Variants in CTXND1 observed in about 807,000 individuals in gnomAD.
CTXND1 encodes cortexin domain containing 1.
chr15:80,220,971 C>G (rs1430824544), intron 1 of CTXND1, among the ~76,000 whole-genome samples: 2 of 150,258 alleles, frequency 1.3e-5, no homozygotes, highest in Non-Finnish European at 3.0e-5. Context: ...TGCAGTGGCG[C>G]GATCTCTGCT....
rs544162887 is a variant in CTXND1 at position 80,212,232 on chromosome 15, G to A, written c.-217-8492C>T. ...TTCTAGCCCTGCTTCCTCCAGTCCCGTGTCAGTTTCTCCTAGGAGCCCTTC... is the reference window on the plus strand; with the variant it reads ...TTCTAGCCCTGCTTCCTCCAGTCCCATGTCAGTTTCTCCTAGGAGCCCTTC... On this transcript the variant is annotated intron_variant, in intron 1 of 2. Transcript: ENST00000560778. 3.3e-5 allele frequency among the ~76,000 whole-genome samples: 5 copies of A among 152,260 alleles called. No homozygotes were observed. In the South Asian group the frequency reaches 6.2e-4, roughly 19 times the overall value.
intron 1 of CTXND1, among the ~76,000 whole-genome samples, chr15:80,238,086 C>T (rs372706960): frequency 2.3e-4 from 34 of 147,526 alleles, no homozygotes; most frequent in African/African-American, 6.0e-4. Flanking sequence ...TAATTTATTA[C>T]GGAAGAAACA....
At chr15:80,222,610 C>T (rs1271263052) in intron 1 of CTXND1, among the ~76,000 whole-genome samples, 1 of 152,146 alleles carries the variant, frequency 6.6e-6, no homozygotes, top group African/African-American at 2.4e-5. Flanking sequence ...TTGTTATTAA[C>T]AGTTCCTCCT....
chr15:80,204,237 T>C (rs1893123348), intron 1 of CTXND1, among the ~76,000 whole-genome samples: 1 of 141,064 alleles, frequency 7.1e-6, no homozygotes, highest in Non-Finnish European at 1.5e-5. Flanking sequence ...CACATATATA[T>C]TTATAAACTT....
chr15:80,240,281 G>C (rs1052637761), intron 1 of CTXND1, among the ~76,000 whole-genome samples: 3 of 143,474 alleles, frequency 2.1e-5, no homozygotes, highest in Non-Finnish European at 4.4e-5. Flanking sequence ...ACTTTATTAA[G>C]GGGGGTCCCA....
chr15:80,198,323 T>G lies in CTXND1; in HGVS notation c.*3447A>C, dbSNP rs1373411470. ...ATTGCCTGGAAAACCCACCACCCAT[T>G]CTCTGCTTTGGAGAGTTCCTCTCCA... On this transcript the variant is annotated 3_prime_UTR_variant, in exon 3 of 3. Transcript: ENST00000560778. 1 of 152,260 alleles carries G rather than the reference T, an allele frequency of 6.6e-6. No individual in the cohort carries two copies. The highest frequency in any genetic ancestry group is 1.5e-5 in the Non-Finnish European group (1 of 68,102). 9.4% of individuals were successfully genotyped at this position (152,260 alleles called of 1,614,324 possible). A position where few individuals can be genotyped will look rare whatever the true frequency, so the allele number is the denominator to read the frequency against.
intron 1 of CTXND1, among the ~76,000 whole-genome samples, chr15:80,205,219 G>A (rs79271974): frequency 0.058 from 8,872 of 152,004 alleles, 855 homozygotes; most frequent in African/African-American, 0.2. Context: ...TTTGTTGTAC[G>A]GATATCCCAT....
At chr15:80,206,567 T>C (rs551567285) in intron 1 of CTXND1, among the ~76,000 whole-genome samples, 1 of 152,328 alleles carries the variant, frequency 6.6e-6, no homozygotes, top group African/African-American at 2.4e-5. Flanking sequence ...CCCTGATTCT[T>C]ACTCTTATTT....
In CTXND1 at chr15:80,196,787, C is replaced by A. The variant is rs1317106343; in HGVS notation, c.*4983G>T. 2 of 152,238 alleles carry A rather than the reference C, an allele frequency of 1.3e-5. No homozygotes were observed. Among genetic ancestry groups the A allele is most frequent in the Non-Finnish European group, 2.9e-5 (2 of 68,106 alleles). 9.4% of individuals were successfully genotyped at this position (152,238 alleles called of 1,614,324 possible). A position where few individuals can be genotyped will look rare whatever the true frequency, so the allele number is the denominator to read the frequency against. The stretch of plus-strand genomic sequence containing the variant: ...ACCGTATCACCCAGGGTCCCCTGAC[C>A]TTTAGCTTCTGTTGTTTTTGGCCAA... On this transcript the variant is annotated 3_prime_UTR_variant, in exon 3 of 3. Transcript: ENST00000560778.
chr15:80,197,266 T>G lies in CTXND1; in HGVS notation c.*4504A>C, dbSNP rs939272231. On this transcript the variant is annotated 3_prime_UTR_variant, in exon 3 of 3. Transcript: ENST00000560778. The stretch of plus-strand genomic sequence containing the variant: ...TATTTTTTGTAGATAAACAGATTCT[T>G]GCTTATGTTGCCAGGCTGGTTTCAA... 1 of 152,128 alleles carries G rather than the reference T, an allele frequency of 6.6e-6. No individual in the cohort carries two copies. The highest frequency in any genetic ancestry group is 2.4e-5 in the African/African-American group (1 of 41,420). 9.4% of individuals were successfully genotyped at this position (152,128 alleles called of 1,614,324 possible). A position where few individuals can be genotyped will look rare whatever the true frequency, so the allele number is the denominator to read the frequency against.
chr15:80,214,273 A>G (rs953778508), intron 1 of CTXND1, among the ~76,000 whole-genome samples: 1 of 148,250 alleles, frequency 6.7e-6, no homozygotes, highest in Non-Finnish European at 1.5e-5. Context: ...GAACATTTAA[A>G]GATAACATTT....
intron 1 of CTXND1, among the ~76,000 whole-genome samples, chr15:80,212,963 A>T (rs1893216349): frequency 6.6e-6 from 1 of 152,138 alleles, no homozygotes; most frequent in African/African-American, 2.4e-5. Context: ...AAAATAGAGG[A>T]TTATTCAGGC....
At chr15:80,228,940 C>CT (rs5814007) in intron 1 of CTXND1, among the ~76,000 whole-genome samples, 114,430 of 151,942 alleles carry the variant, frequency 0.75, 43,362 homozygotes, top group East Asian at 0.9. Flanking sequence ...AAATCTGAAA[C>CT]TTTTTTGAGT....
intron 1 of CTXND1, among the ~76,000 whole-genome samples, chr15:80,225,391 A>G (rs1595907279): frequency 6.6e-6 from 1 of 152,246 alleles, no homozygotes; most frequent in East Asian, 1.9e-4. Flanking sequence ...TTTATTTAAA[A>G]ATTCAAGTCT....
At chr15:80,245,747 C>T (rs1893620930) in intron 1 of CTXND1, among the ~76,000 whole-genome samples, 1 of 152,152 alleles carries the variant, frequency 6.6e-6, no homozygotes, top group Non-Finnish European at 1.5e-5. Context: ...TGCCACCACC[C>T]TCTCCCTGTG....
chr15:80,224,197 A>C (rs1893349408), intron 1 of CTXND1, among the ~76,000 whole-genome samples: 1 of 152,176 alleles, frequency 6.6e-6, no homozygotes, highest in African/African-American at 2.4e-5. Context: ...CCAGATATGC[A>C]AGTGAAGAAG....
chr15:80,232,690 C>T (rs1893444415), intron 1 of CTXND1, among the ~76,000 whole-genome samples: 1 of 152,162 alleles, frequency 6.6e-6, no homozygotes, highest in African/African-American at 2.4e-5. Flanking sequence ...AAATAAAACT[C>T]TCCATCTCCC....
At chr15:80,231,625 C>T (rs137899330) in intron 1 of CTXND1, among the ~76,000 whole-genome samples, 1 of 152,136 alleles carries the variant, frequency 6.6e-6, no homozygotes, top group Non-Finnish European at 1.5e-5. Context: ...GCTGTATAAT[C>T]GTAATTTTGA....
intron 1 of CTXND1, among the ~76,000 whole-genome samples, chr15:80,216,603 T>TTTTATTTATTTA (rs35519515): frequency 6.6e-6 from 1 of 150,522 alleles, no homozygotes; most frequent in Non-Finnish European, 1.5e-5. Flanking sequence ...CCTTCCATTA[T>TTTTATTTATTTA]TTTATTTATT....
Sources: allele counts gnomAD v4.1 joint callset (sites outside exome capture counted in the v4.1 genomes callset), GRCh38; gene constraint gnomAD v4.1.1; transcripts MANE v1.5; gene names NCBI Gene and HGNC (gene_info 2026-07-23, HGNC 2026-07-21).